The following MRGPRX3 variants were observed in gnomAD, a reference collection of about 807,000 sequenced individuals.
MRGPRX3 encodes mas-related G protein-coupled receptor member X3.
MRGPRX3 carries 14 observed loss-of-function variants against 16.5 expected under a neutral mutation model. The observed-to-expected ratio is 0.85, with a 90% CI of 0.56 to 1.33. MRGPRX3 has a LOEUF of 1.33. MRGPRX3 is among the 40% of genes most tolerant of loss of function. MRGPRX3 has a pLI of 0.00. For missense variants in MRGPRX3, 449 were observed against 413.0 expected (o/e 1.09, Z -0.76); for synonymous variants, 199 against 180.1 (o/e 1.10, Z -0.84).
upstream of MRGPRX3, among the ~76,000 whole-genome samples, chr11:18,130,712 A>C (rs1190439180): frequency 2.0e-5 from 3 of 148,200 alleles, no homozygotes; most frequent in African/African-American, 7.4e-5. Context: ...AAAAAAAAAA[A>C]CCCGCATAGC....
chr11:18,132,205 C>T (rs1333214111), upstream of MRGPRX3, among the ~76,000 whole-genome samples: 1 of 152,172 alleles, frequency 6.6e-6, no homozygotes, highest in Non-Finnish European at 1.5e-5. Context: ...GCATACACTT[C>T]TCTGGCATTT....
In MRGPRX3 at chr11:18,138,130, C is replaced by T. The variant is rs553083456; in HGVS notation, c.928C>T (p.Gln310Ter). 6.2e-7 allele frequency: 1 copy of T among 1,613,738 alleles called. No individual in the cohort carries two copies. Among genetic ancestry groups the T allele is most frequent in the East Asian group, 2.2e-5 (1 of 44,864 alleles). Residue 310 changes from glutamine (Q) to a stop codon, truncating the protein, a stop_gained, in exon 2 of 2, where the codon CAG becomes TAG. Transcript: ENST00000621697. LOFTEE classifies it high-confidence loss of function. ...GGATGAAGGTGGAGGGTGGCTTCCTCAGGAAACCCTGGAGCTGTCGGGAAG... is the reference window on the plus strand; with the variant it reads ...GGATGAAGGTGGAGGGTGGCTTCCTTAGGAAACCCTGGAGCTGTCGGGAAG... ...EVDEGGGWLP[Q>*]ETLELSGSRL...
rs1283946056 is a variant in MRGPRX3 at position 18,137,754 on chromosome 11, G to A, written c.552G>A (p.Leu184=). ...CAGATTTCATTACAATCGCGTGGCT[G>A]GTTTTTTTATGTGTGGTTCTCTGTG... ...ETSDFITIAW[L]VFLCVVLCGS... is the part of the protein sequence containing the mutation. Residue 184 remains leucine, a synonymous_variant, in exon 2 of 2, where the codon CTG becomes CTA. Coordinates refer to ENST00000621697, the MANE Select transcript of MRGPRX3 (RefSeq NM_001370464.1). 1.9e-6 allele frequency: 3 copies of A among 1,614,078 alleles called. No homozygotes were observed. Among genetic ancestry groups the A allele is most frequent in the Non-Finnish European group, 2.5e-6 (3 of 1,180,020 alleles).
upstream of MRGPRX3, among the ~76,000 whole-genome samples, chr11:18,128,648 G>A (rs937245002): frequency 9.2e-5 from 14 of 152,248 alleles, no homozygotes; most frequent in African/African-American, 3.4e-4. Context: ...TAGGATGGGA[G>A]TGACCCGATT....
At chr11:18,133,251 C>T (rs1848979532) in intron 1 of MRGPRX3, among the ~76,000 whole-genome samples, 1 of 152,196 alleles carries the variant, frequency 6.6e-6, no homozygotes, top group Non-Finnish European at 1.5e-5. Flanking sequence ...AGCACTACTT[C>T]CTCCCCTAGG....
chr11:18,122,451 C>G (rs1848849815), intron 1 of MRGPRX3, among the ~76,000 whole-genome samples: 1 of 152,166 alleles, frequency 6.6e-6, no homozygotes, highest in African/African-American at 2.4e-5. Flanking sequence ...GGTTTTCTGT[C>G]CTTGTGATAC....
At chr11:18,123,853 T>A (rs1848864442) in intron 1 of MRGPRX3, among the ~76,000 whole-genome samples, 1 of 152,222 alleles carries the variant, frequency 6.6e-6, no homozygotes, top group Non-Finnish European at 1.5e-5. Context: ...TTGTATCCTC[T>A]TTTATTTCAT....
At chr11:18,133,503 GT>G (rs1177693853) in intron 1 of MRGPRX3, among the ~76,000 whole-genome samples, 1 of 152,214 alleles carries the variant, frequency 6.6e-6, no homozygotes, top group Admixed American at 6.5e-5. Context: ...TTGCATGAAT[GT>G]TTTAACACCA....
At chr11:18,127,747 G>A (rs562645861), upstream of MRGPRX3, among the ~76,000 whole-genome samples, 13 of 152,182 alleles carry the variant, frequency 8.5e-5, no homozygotes, top group Admixed American at 3.9e-4. Flanking sequence ...TAGTTTGATC[G>A]TCTGAAGGCT....
upstream of MRGPRX3, among the ~76,000 whole-genome samples, chr11:18,129,252 G>A (rs1286477119): frequency 6.6e-6 from 1 of 152,114 alleles, no homozygotes; most frequent in Non-Finnish European, 1.5e-5. Flanking sequence ...CAAAAAGCTG[G>A]TTCTTTGAAA....
chr11:18,130,344 A>T (rs1848948794), upstream of MRGPRX3, among the ~76,000 whole-genome samples: 2 of 152,230 alleles, frequency 1.3e-5, no homozygotes, highest in East Asian at 1.9e-4. Flanking sequence ...CAGGATACAA[A>T]CTAAATGTAC....
At chr11:18,136,326 T>C (rs1340125309) in intron 1 of MRGPRX3, among the ~76,000 whole-genome samples, 2 of 152,200 alleles carry the variant, frequency 1.3e-5, no homozygotes, top group African/African-American at 2.4e-5. Context: ...ACCCAAACAC[T>C]GTGTACAAAA....
At chr11:18,122,152 C>T (rs1430808804) in intron 1 of MRGPRX3, among the ~76,000 whole-genome samples, 11 of 151,070 alleles carry the variant, frequency 7.3e-5, no homozygotes, top group Non-Finnish European at 7.4e-5. Context: ...GCAAAAAAAC[C>T]TGCATTGCTT....
rs559767500 is a variant in MRGPRX3 at position 18,137,931 on chromosome 11, C to T, written c.729C>T (p.His243=). 1.2e-6 allele frequency: 2 copies of T among 1,614,150 alleles called. No individual in the cohort carries two copies. Among genetic ancestry groups the T allele is most frequent in the Non-Finnish European group, 1.7e-6 (2 of 1,180,032 alleles). The change falls in exon 2 of 2, where the codon CAC becomes CAT. Residue 243 remains histidine, a synonymous_variant. Coordinates refer to ENST00000621697, the MANE Select transcript of MRGPRX3 (RefSeq NM_001370464.1). ...GIQWALFSRI[H]LDWKVLFCHV... is the part of the protein sequence containing the mutation. ...AGTGGGCCCTGTTTTCCAGGATCCA[C>T]CTGGATTGGAAAGTCTTATTTTGTC... is the stretch of plus-strand genomic sequence containing the variant.
chr11:18,121,305 G>C, intron 1 of MRGPRX3: 1 of 162,240 alleles, frequency 6.2e-6, no homozygotes, highest in South Asian at 1.6e-4. Flanking sequence ...CCGCCCGGCA[G>C]CCGCCCTGTC....
At chr11:18,128,579 G>T (rs371329953), upstream of MRGPRX3, among the ~76,000 whole-genome samples, 3 of 152,218 alleles carry the variant, frequency 2.0e-5, no homozygotes, top group African/African-American at 7.2e-5. Flanking sequence ...CTCCGAGCCA[G>T]GCACAGGATA....
intron 1 of MRGPRX3, among the ~76,000 whole-genome samples, chr11:18,133,100 C>A (rs1848977801): frequency 6.6e-6 from 1 of 152,184 alleles, no homozygotes; most frequent in African/African-American, 2.4e-5. Context: ...ACTTACTTTT[C>A]AAATTTATTC....
intron 1 of MRGPRX3, among the ~76,000 whole-genome samples, chr11:18,133,614 C>T (rs1375648972): frequency 6.6e-6 from 1 of 152,152 alleles, no homozygotes; most frequent in African/African-American, 2.4e-5. Flanking sequence ...CTCCTGCTCT[C>T]ACCATGTGAG....
upstream of MRGPRX3, among the ~76,000 whole-genome samples, chr11:18,130,131 G>A (rs1156444751): frequency 1.3e-5 from 2 of 152,116 alleles, no homozygotes; most frequent in African/African-American, 2.4e-5. Flanking sequence ...AGACAAGGAT[G>A]CTACTTTCAC....
Sources: gnomAD v4.1 joint callset for allele counts (sites outside exome capture counted in the v4.1 genomes callset) on GRCh38, gnomAD v4.1.1 for gene constraint, MANE v1.5 for transcripts, NCBI Gene and HGNC (gene_info 2026-07-23, HGNC 2026-07-21) for gene names.